Variants in FRS2 observed in about 807,000 individuals in gnomAD.
The protein encoded by FRS2 is FGFR signalling adaptor.
FRS2 carries 8 observed loss-of-function variants against 43.9 expected under a neutral mutation model. The observed-to-expected ratio is 0.18, with a 90% confidence interval of 0.11 to 0.33. The LOEUF is 0.33. Among genes scored for constraint, FRS2 ranks in the 10% least tolerant of loss-of-function variants. The pLI is 1.00. For missense variants in FRS2, 534 were observed against 627.6 expected, an observed-to-expected ratio of 0.85 and a Z score of 1.59; for synonymous variants, 219 against 220.3, an observed-to-expected ratio of 0.99 and a Z score of 0.05.
intron 4 of FRS2, among the ~76,000 whole-genome samples, chr12:69,568,079 C>G (rs1383071300): frequency 1.3e-5 from 2 of 152,018 alleles, no homozygotes; most frequent in Non-Finnish European, 2.9e-5. Flanking sequence ...GTAAGTGATG[C>G]TTTGGAGTTT....
intron 1 of FRS2, among the ~76,000 whole-genome samples, chr12:69,513,133 T>C (rs780182917): frequency 4.7e-5 from 6 of 128,254 alleles, no homozygotes; most frequent in Non-Finnish European, 9.5e-5. Flanking sequence ...CCCAAATCTC[T>C]GGCAAAGTTT....
chr12:69,489,507 T>C (rs1872262653), intron 1 of FRS2, among the ~76,000 whole-genome samples: 1 of 151,894 alleles, frequency 6.6e-6, no homozygotes, highest in South Asian at 2.1e-4. Flanking sequence ...CCGTCTCTAC[T>C]AAAAATACAA....
At chr12:69,485,134 C>CACACACACACACACACATAT (rs1194988609) in intron 1 of FRS2, among the ~76,000 whole-genome samples, 1 of 134,272 alleles carries the variant, frequency 7.4e-6, no homozygotes, top group South Asian at 2.6e-4. Context: ...CACACACACA[C>CACACACACACACACACATAT]ACTCTCACCC....
rs191082677 is a variant in FRS2, at chr12:69,500,357, A to G, written c.-261+29827A>G. 6.9e-4 allele frequency among the ~76,000 whole-genome samples: 105 copies of G among 152,360 alleles called. 3 individuals are homozygous for G. Among genetic ancestry groups the G allele is most frequent in the Admixed American group, 6.7e-3 (102 of 15,304 alleles). On this transcript the variant is annotated intron_variant, in intron 1 of 8. Transcript: ENST00000549921. ...TACCTAAAGTGGGCATACATCCCAC[A>G]CATCCTAAAGTGGGGAGCATCAAGG... is the stretch of plus-strand genomic sequence containing the variant.
In FRS2 at chr12:69,553,362, C is replaced by T. The variant is rs572965765; in HGVS notation, c.-121-8818C>T. On this transcript the variant is annotated intron_variant, in intron 3 of 8. Transcript: ENST00000549921. ...CTGGGATTACAGGCATGAGCCACTGCGCCTGGCCCACTTGGAGCTATTTTA... is the reference window on the plus strand; with the variant it reads ...CTGGGATTACAGGCATGAGCCACTGTGCCTGGCCCACTTGGAGCTATTTTA... Among the ~76,000 whole-genome samples, 14 of 152,256 alleles carry T rather than the reference C, an allele frequency of 9.2e-5. No individual in the cohort carries two copies. In the East Asian group the frequency reaches 1.5e-3, roughly 17 times the overall value.
chr12:69,564,885 T>A (rs1444741707), intron 4 of FRS2, among the ~76,000 whole-genome samples: 2 of 152,242 alleles, frequency 1.3e-5, no homozygotes, highest in Non-Finnish European at 2.9e-5. Context: ...AAGGCTTTCA[T>A]ATCACATATT....
intron 1 of FRS2, among the ~76,000 whole-genome samples, chr12:69,530,597 G>T (rs1005396079): frequency 6.6e-6 from 1 of 152,038 alleles, no homozygotes. Context: ...TAAAAAATTG[G>T]CTGGCCGTGG....
At chr12:69,515,416 GC>G (rs1565738883) in intron 1 of FRS2, among the ~76,000 whole-genome samples, 1 of 151,900 alleles carries the variant, frequency 6.6e-6, no homozygotes, top group African/African-American at 2.4e-5. Context: ...AATTCACTTT[GC>G]CTCAGACTAC....
intron 3 of FRS2, among the ~76,000 whole-genome samples, chr12:69,552,905 GTAAAC>G (rs904680313): frequency 4.7e-5 from 7 of 148,932 alleles, no homozygotes; most frequent in African/African-American, 1.7e-4. Flanking sequence ...AAAAAAAAAA[GTAAAC>G]TAAAAAGGAA....
Position 69,572,198 on chromosome 12 carries a change from A to G in FRS2, c.493A>G (p.Ser165Gly), listed in dbSNP as rs535088310. The G allele has an allele frequency of 1.2e-6, 2 of 1,613,342 alleles. No individual in the cohort carries two copies. The highest frequency in any genetic ancestry group is 2.7e-5 in the African/African-American group (2 of 75,038). ...TGGAGATGCTTCATCCCATCCGTCAAGCAGACATCCTTCTGTGGGAAGTGC... is the reference window on the plus strand; with the variant it reads ...TGGAGATGCTTCATCCCATCCGTCAGGCAGACATCCTTCTGTGGGAAGTGC... The part of the protein sequence containing the change: ...SFGDASSHPS[S>G]RHPSVGSARL... Residue 165 changes from serine to glycine, a missense_variant, in exon 8 of 9, where the codon AGC becomes GGC. By Grantham distance (56) the Ser-to-Gly change is moderately conservative. Around this residue, in one of 3 missense-constraint regions of FRS2, gnomAD observed 446 missense variants for 494.2 expected, o/e 0.90. Transcript: ENST00000549921.
intron 1 of FRS2, among the ~76,000 whole-genome samples, chr12:69,498,577 T>G (rs1316977471): frequency 6.7e-6 from 1 of 149,062 alleles, no homozygotes; most frequent in Admixed American, 6.7e-5. Context: ...GTTTCGTTTT[T>G]TTTTAGCTCA....
At chr12:69,557,619 T>TGCGCGCGCAC (rs1879500602) in intron 3 of FRS2, among the ~76,000 whole-genome samples, 1 of 118,966 alleles carries the variant, frequency 8.4e-6, no homozygotes, top group East Asian at 2.5e-4. Context: ...TGTGTGTGTG[T>TGCGCGCGCAC]GCGCGCGCGC....
intron 3 of FRS2, among the ~76,000 whole-genome samples, chr12:69,543,661 A>C (rs1388180138): frequency 1.3e-5 from 2 of 152,196 alleles, no homozygotes; most frequent in Admixed American, 1.3e-4. Context: ...ATTCTTCAAT[A>C]AATTGATTTG....
At chr12:69,561,886 A>T (rs1191824765) in intron 3 of FRS2, among the ~76,000 whole-genome samples, 1 of 152,214 alleles carries the variant, frequency 6.6e-6, no homozygotes, top group African/African-American at 2.4e-5. Context: ...AGCTATGGAG[A>T]TAAGTATAGA....
chr12:69,535,446 T>C (rs752704083), intron 3 of FRS2, among the ~76,000 whole-genome samples: 3 of 152,228 alleles, frequency 2.0e-5, no homozygotes. Flanking sequence ...GTGGCAGCCC[T>C]GTATTACATG....
intron 2 of FRS2, among the ~76,000 whole-genome samples, chr12:69,531,215 A>G (rs1246160920): frequency 6.6e-6 from 1 of 152,036 alleles, no homozygotes; most frequent in African/African-American, 2.4e-5. Context: ...CTGTAATTTC[A>G]GCTACTTGGG....
intron 3 of FRS2, among the ~76,000 whole-genome samples, chr12:69,561,947 A>G (rs1010091038): frequency 4.6e-5 from 7 of 152,248 alleles, no homozygotes; most frequent in African/African-American, 9.6e-5. Flanking sequence ...CAGAAACATC[A>G]TAGAACTTAG....
rs1881331362 is a variant in FRS2, at chr12:69,578,366, A to G, written c.*3411A>G. 1 of 152,640 alleles carries G rather than the reference A, an allele frequency of 6.6e-6. No individual in the cohort carries two copies. Among genetic ancestry groups the G allele is most frequent in the African/African-American group, 2.4e-5 (1 of 41,460 alleles). The allele number at this position is 152,640 out of a possible 1,614,324, so 9.5% of individuals were successfully genotyped here. ...GCCAAATTTGAATAAAGGCATTGGT[A>G]CGAAATTACAGAATGTAAAGAAAAT... is the stretch of plus-strand genomic sequence containing the variant. On this transcript the variant is annotated 3_prime_UTR_variant, in exon 9 of 9. Coordinates refer to ENST00000549921, the MANE Select transcript of FRS2 (RefSeq NM_001278356.2).
chr12:69,568,270 C>T (rs763678699), intron 4 of FRS2, among the ~76,000 whole-genome samples: 2 of 152,248 alleles, frequency 1.3e-5, no homozygotes, highest in East Asian at 1.9e-4. Context: ...ATGCGCTATT[C>T]GAAATTTGAT....
Sources: gnomAD v4.1 joint callset for allele counts (sites outside exome capture counted in the v4.1 genomes callset) on GRCh38, gnomAD v4.1.1 for gene constraint, gnomAD v4.1.1 regional missense constraint, MANE v1.5 for transcripts, NCBI Gene and HGNC (gene_info 2026-07-23, HGNC 2026-07-21) for gene names.